Variants in ANO3 observed in about 807,000 individuals in gnomAD.
ANO3 encodes the protein anoctamin-3.
ANO3 carries 99 observed loss-of-function variants against 144.8 expected under a neutral mutation model. The observed-to-expected ratio is 0.68, with a 90% CI of 0.58 to 0.81. The LOEUF (loss-of-function observed/expected upper bound fraction) is 0.81. Among genes scored for constraint, ANO3 ranks in the 30% least tolerant of loss-of-function variants. The pLI, the probability that ANO3 is intolerant of heterozygous loss-of-function variation, is 0.00. For missense variants in ANO3, 905 were observed against 1,202.2 expected (o/e 0.75, Z 3.66); for synonymous variants, 414 against 392.6 (o/e 1.05, Z -0.64).
chr11:26,255,725 C>T (rs1015815716), intron 1 of ANO3, among the ~76,000 whole-genome samples: 1 of 152,106 alleles, frequency 6.6e-6, no homozygotes, highest in South Asian at 2.1e-4. Flanking sequence ...CTAGAGCCAA[C>T]CATTATTTAT....
chr11:26,530,537 A>G (rs965337528), intron 7 of ANO3, among the ~76,000 whole-genome samples: 1 of 141,466 alleles, frequency 7.1e-6, no homozygotes, highest in African/African-American at 2.6e-5. Flanking sequence ...CACCATTTTA[A>G]TAAATATATT....
At chr11:26,434,563 A>C (rs963768471) in intron 1 of ANO3, among the ~76,000 whole-genome samples, 1 of 152,146 alleles carries the variant, frequency 6.6e-6, no homozygotes, top group Non-Finnish European at 1.5e-5. Flanking sequence ...GTGGGCATTT[A>C]GTGCTATAAA....
At chr11:26,430,418 C>T (rs1428857124) in intron 1 of ANO3, among the ~76,000 whole-genome samples, 5 of 151,980 alleles carry the variant, frequency 3.3e-5, no homozygotes, top group African/African-American at 9.7e-5. Flanking sequence ...AAAAAGAAAA[C>T]ATAACTAAAA....
intron 24 of ANO3, among the ~76,000 whole-genome samples, chr11:26,651,864 T>C (rs1234392015): frequency 6.6e-6 from 1 of 152,170 alleles, no homozygotes; most frequent in Non-Finnish European, 1.5e-5. Context: ...AGATAAAATA[T>C]ATATGTTTTA....
intron 1 of ANO3, among the ~76,000 whole-genome samples, chr11:26,335,673 A>T (rs1855173992): frequency 6.6e-6 from 1 of 152,176 alleles, no homozygotes. Flanking sequence ...TGCTGCGTGT[A>T]TGCCAGGGAC....
intron 3 of ANO3, among the ~76,000 whole-genome samples, chr11:26,461,140 C>CG (rs1354717757): frequency 2.0e-5 from 3 of 151,792 alleles, no homozygotes; most frequent in Non-Finnish European, 4.4e-5. Context: ...GAGTGCCTAC[C>CG]GGGGGAAAGG....
chr11:26,260,448 A>G (rs917223367), intron 1 of ANO3, among the ~76,000 whole-genome samples: 2 of 152,204 alleles, frequency 1.3e-5, no homozygotes, highest in Non-Finnish European at 2.9e-5. Flanking sequence ...AGATCACTTG[A>G]CTACTGCCAA....
intron 1 of ANO3, among the ~76,000 whole-genome samples, chr11:26,260,627 C>T (rs1421602627): frequency 6.6e-6 from 1 of 152,088 alleles, no homozygotes; most frequent in East Asian, 1.9e-4. Context: ...CTGATCTTAA[C>T]CAAGGTATGT....
intron 1 of ANO3, among the ~76,000 whole-genome samples, chr11:26,369,351 C>G (rs1856184506): frequency 6.6e-6 from 1 of 152,072 alleles, no homozygotes; most frequent in South Asian, 2.1e-4. Context: ...TTGATATTTT[C>G]TAATTTTCAG....
chr11:26,369,802 G>A (rs1856197867), intron 1 of ANO3, among the ~76,000 whole-genome samples: 1 of 151,930 alleles, frequency 6.6e-6, no homozygotes, highest in South Asian at 2.1e-4. Flanking sequence ...TTCTAAATTG[G>A]AATCTTCCCA....
intron 14 of ANO3, among the ~76,000 whole-genome samples, chr11:26,595,652 G>A (rs293958): frequency 0.099 from 15,077 of 151,700 alleles, 915 homozygotes; most frequent in Admixed American, 0.21. Flanking sequence ...ACCATCTGTC[G>A]TCCTGAAGGG....
chr11:26,201,778 A>T (rs1236808973), intron 1 of ANO3, among the ~76,000 whole-genome samples: 81 of 146,926 alleles, frequency 5.5e-4, no homozygotes, highest in African/African-American at 1.9e-3. Flanking sequence ...TTTTTTTTTT[A>T]ACATTCAAGC....
chr11:26,443,743 A>T, intron 2 of ANO3, 22 bp from the exon 3 acceptor site: 1 of 1,508,770 alleles, frequency 6.6e-7, no homozygotes, highest in South Asian at 1.2e-5. Context: ...CCAAAACTAC[A>T]AAGTATCTTA....
chr11:26,244,019 A>T (rs977734481), intron 1 of ANO3, among the ~76,000 whole-genome samples: 1 of 151,122 alleles, frequency 6.6e-6, no homozygotes, highest in African/African-American at 2.4e-5. Flanking sequence ...CAACAGGCTG[A>T]GGCAGGAGAA....
chr11:26,306,497 T>G (rs72876910), upstream of ANO3, among the ~76,000 whole-genome samples: 1 of 151,314 alleles, frequency 6.6e-6, no homozygotes, highest in South Asian at 2.1e-4. Flanking sequence ...AGACCTCGTC[T>G]CTACAAAAAA....
At chr11:26,655,575 A>G (rs767279431) in intron 24 of ANO3, among the ~76,000 whole-genome samples, 15 of 152,140 alleles carry the variant, frequency 9.9e-5, no homozygotes, top group Non-Finnish European at 2.2e-4. Context: ...CTACTTATTA[A>G]TTATGTTTAT....
intron 1 of ANO3, among the ~76,000 whole-genome samples, chr11:26,401,260 C>G (rs534560800): frequency 3.3e-4 from 50 of 152,148 alleles, no homozygotes; most frequent in African/African-American, 1.1e-3. Context: ...TGATTCTGTT[C>G]TCTAAAAGAA....
chr11:26,190,280 C>A (rs977270619), intron 1 of ANO3, among the ~76,000 whole-genome samples: 4 of 152,020 alleles, frequency 2.6e-5, no homozygotes, highest in African/African-American at 7.2e-5. Context: ...TATTATATAA[C>A]CCCCAGTCAA....
intron 1 of ANO3, among the ~76,000 whole-genome samples, chr11:26,221,011 A>G (rs182587087): frequency 4.7e-4 from 72 of 152,318 alleles, no homozygotes; most frequent in Admixed American, 1.6e-3. Context: ...ATCCATTGGC[A>G]TATTTTAGCC....
Sources: gnomAD v4.1 joint callset for allele counts (sites outside exome capture counted in the v4.1 genomes callset) on GRCh38, gnomAD v4.1.1 for gene constraint, MANE v1.5 for transcripts, NCBI Gene and HGNC (gene_info 2026-07-23, HGNC 2026-07-21) for gene names.